SSR3: variants seen among roughly 807,000 people sequenced by gnomAD.
The protein encoded by SSR3 is signal sequence receptor subunit 3, also known as translocon-associated protein subunit gamma.
A neutral mutation model predicts 22.1 loss-of-function variants in SSR3; 10 were observed. That is an observed-to-expected ratio of 0.45 (90% CI 0.28 to 0.77). SSR3 has a LOEUF of 0.77. SSR3 is among the 30% of genes least tolerant of loss of function. The pLI, the probability that SSR3 is intolerant of heterozygous loss-of-function variation, is 0.13. For synonymous variants in SSR3, 104 were observed against 82.5 expected, an observed-to-expected ratio of 1.26 and a Z score of -1.42; for missense variants, 181 against 220.5, an observed-to-expected ratio of 0.82 and a Z score of 1.13.
At chr3:156,554,723 G>A in intron 1 of SSR3, 1 of 542,992 alleles carries the variant, frequency 1.8e-6, no homozygotes. Flanking sequence ...GGTGGAGCTC[G>A]GGAACGTGCG....
At position 156,542,638 on chromosome 3, in the gene SSR3, GAAAA is replaced by G. The variant is rs147355142; in HGVS notation, c.*561_*564del. ...CTGCCCTTCTTTAAGAAAAAAAAAA[GAAAA>G]AAAAAGAACTTTTCCACAAGTTTCT... On this transcript the variant is annotated 3_prime_UTR_variant, in exon 5 of 5. Transcript: ENST00000265044. The G allele has an allele frequency of 6.8e-6, 1 of 147,386 alleles. No individual in the cohort carries two copies. Among genetic ancestry groups the G allele is most frequent in the Non-Finnish European group, 1.5e-5 (1 of 67,290 alleles). The allele number at this position is 147,386 out of a possible 1,614,324, so 9.1% of individuals were successfully genotyped here.
chr3:156,545,317 A>G (rs1439362969), intron 3 of SSR3, among the ~76,000 whole-genome samples: 1 of 152,238 alleles, frequency 6.6e-6, no homozygotes, highest in Non-Finnish European at 1.5e-5. Flanking sequence ...CATCGCACAG[A>G]GTAGGATAAT....
rs530283526 is a variant in SSR3, at chr3:156,541,880, G to A, written c.*1323C>T. The A allele has an allele frequency of 1.3e-5, 2 of 152,284 alleles. No homozygotes were observed. The highest frequency in any genetic ancestry group is 4.1e-4 in the South Asian group (2 of 4,824). 9.4% of individuals were successfully genotyped at this position (152,284 alleles called of 1,614,324 possible). On this transcript the variant is annotated 3_prime_UTR_variant, in exon 5 of 5. Coordinates refer to ENST00000265044, the MANE Select transcript of SSR3 (RefSeq NM_007107.5). Reference sequence around the variant, plus strand: ...TGTTTTTCTTCCAAGTTCTTGCATGGAGCCCAACACATCCGATAGCATGGA... The same window carrying A: ...TGTTTTTCTTCCAAGTTCTTGCATGAAGCCCAACACATCCGATAGCATGGA...
chr3:156,550,953 C>T (rs1482261201), intron 2 of SSR3, among the ~76,000 whole-genome samples: 1 of 152,180 alleles, frequency 6.6e-6, no homozygotes, highest in Non-Finnish European at 1.5e-5. Flanking sequence ...ATGCCCACGG[C>T]CACACATTTA....
chr3:156,546,476 T>A (rs1719766497), intron 3 of SSR3, among the ~76,000 whole-genome samples: 1 of 152,198 alleles, frequency 6.6e-6, no homozygotes, highest in African/African-American at 2.4e-5. Flanking sequence ...GGCCCAATCC[T>A]TTAGATTTCC....
chr3:156,548,789 CAAT>C, intron 3 of SSR3, 113 bp downstream of exon 3: 1 of 1,351,340 alleles, frequency 7.4e-7, no homozygotes, highest in Non-Finnish European at 1.0e-6. Context: ...ACTACTACTA[CAAT>C]TCCAAAATTT....
At chr3:156,553,307 G>A (rs1381523998) in intron 2 of SSR3, among the ~76,000 whole-genome samples, 1 of 152,088 alleles carries the variant, frequency 6.6e-6, no homozygotes, top group Non-Finnish European at 1.5e-5. Flanking sequence ...AAAATAGTAC[G>A]TGAAGAGCCC....
In SSR3 at chr3:156,542,502, T is replaced by C. The variant is rs574112347; in HGVS notation, c.*701A>G. On this transcript the variant is annotated 3_prime_UTR_variant, in exon 5 of 5. Transcript: ENST00000265044. ...GTCAAACCAACATGGCAGGGTCAAG[T>C]TGACCTCCCTGGCCACTCAGGGCCA... The C allele has an allele frequency of 7.9e-5, 12 of 152,386 alleles. No homozygotes were observed. The highest frequency in any genetic ancestry group is 3.4e-3 in the Middle Eastern group (1 of 296). The allele number at this position is 152,386 out of a possible 1,614,324, so 9.4% of individuals were successfully genotyped here.
rs1719559027 is a variant in SSR3 at position 156,542,109 on chromosome 3, A to G, written c.*1094T>C. On this transcript the variant is annotated 3_prime_UTR_variant, in exon 5 of 5. Transcript: ENST00000265044. ...ATCCTTTTAGCTGATATTGCTAAAG[A>G]GCTTCCCAAACTTTTTCAAGTCATG... 2.0e-5 allele frequency: 3 copies of G among 152,206 alleles called. No homozygotes were observed. The highest frequency in any genetic ancestry group is 2.0e-4 in the Admixed American group (3 of 15,286). 9.4% of individuals were successfully genotyped at this position (152,206 alleles called of 1,614,324 possible).
In SSR3 at chr3:156,549,135, T is replaced by A. The variant is rs1351940777; in HGVS notation, c.261-132A>T. Reference sequence around the variant, plus strand: ...TATTTCACATTTCAAGAAAAGAAGCTGAGCAGAAAGTTCCAAGTTTATTAC... The same window carrying A: ...TATTTCACATTTCAAGAAAAGAAGCAGAGCAGAAAGTTCCAAGTTTATTAC... On this transcript the variant is annotated intron_variant, in intron 2 of 4. Coordinates refer to ENST00000265044, the MANE Select transcript of SSR3 (RefSeq NM_007107.5). The A allele has an allele frequency of 8.1e-6, 8 of 984,184 alleles. 1 individual carries two copies. The highest frequency in any genetic ancestry group is 1.1e-5 in the Non-Finnish European group (8 of 706,672). The allele number at this position is 984,184 out of a possible 1,614,324, so 61.0% of individuals were successfully genotyped here.
intron 4 of SSR3, chr3:156,543,929 C>G (rs1280029536): frequency 1.4e-5 from 3 of 220,428 alleles, no homozygotes. Flanking sequence ...TGGAATGAAC[C>G]TATTTAACTG....
intron 1 of SSR3, chr3:156,553,991 A>T (rs986919869): frequency 9.7e-6 from 4 of 412,772 alleles, no homozygotes; most frequent in African/African-American, 2.1e-5. Context: ...GAAAAACATC[A>T]CCTTCCTATT....
intron 1 of SSR3, 176 bp downstream of exon 1, chr3:156,554,778 CAAG>C: frequency 1.3e-6 from 1 of 788,312 alleles, no homozygotes. Flanking sequence ...AGGACAATCC[CAAG>C]CGACAACACT....
intron 2 of SSR3, among the ~76,000 whole-genome samples, chr3:156,550,451 A>T (rs1167152853): frequency 6.6e-6 from 1 of 152,222 alleles, no homozygotes; most frequent in Non-Finnish European, 1.5e-5. Context: ...CTCACCTACC[A>T]GGGGCATAAC....
At chr3:156,552,428 T>C (rs545688441) in intron 2 of SSR3, among the ~76,000 whole-genome samples, 8 of 152,192 alleles carry the variant, frequency 5.3e-5, no homozygotes, top group Admixed American at 1.3e-4. Flanking sequence ...CTCATATGGA[T>C]GCTATAAGGA....
At chr3:156,544,790 C>T (rs1719702406) in intron 3 of SSR3, among the ~76,000 whole-genome samples, 1 of 152,188 alleles carries the variant, frequency 6.6e-6, no homozygotes, top group African/African-American at 2.4e-5. Context: ...CCATGATTAG[C>T]AGCCTGTGGA....
At chr3:156,553,634 T>C in intron 2 of SSR3, 21 bp downstream of exon 2, 2 of 1,607,642 alleles carry the variant, frequency 1.2e-6, no homozygotes, top group Non-Finnish European at 1.7e-6. Flanking sequence ...GTACGTACTT[T>C]CACTTGAAAA....
chr3:156,555,094 G>C lies in SSR3; in HGVS notation c.-5C>G. On this transcript the variant is annotated 5_prime_UTR_variant, in exon 1 of 5. Coordinates refer to ENST00000265044, the MANE Select transcript of SSR3 (RefSeq NM_007107.5). ...GGAGCTGCCTTTAGGAGCCATGGCGGAGCTGCAGGCGAGAACAGGGAACGT... is the reference window on the plus strand; with the variant it reads ...GGAGCTGCCTTTAGGAGCCATGGCGCAGCTGCAGGCGAGAACAGGGAACGT... 1 of 1,613,044 alleles carries C rather than the reference G, an allele frequency of 6.2e-7. No homozygotes were observed. The highest frequency in any genetic ancestry group is 8.5e-7 in the Non-Finnish European group (1 of 1,179,828).
intron 1 of SSR3, 68 bp downstream of exon 1, chr3:156,554,889 C>A (rs1345444384): frequency 6.4e-7 from 1 of 1,556,166 alleles, no homozygotes; most frequent in Non-Finnish European, 8.7e-7. Flanking sequence ...CTCGCCGGGT[C>A]CTGCCACGTC....
Sources: allele counts gnomAD v4.1 joint callset (sites outside exome capture counted in the v4.1 genomes callset), GRCh38; gene constraint gnomAD v4.1.1; transcripts MANE v1.5; gene names NCBI Gene and HGNC (gene_info 2026-07-23, HGNC 2026-07-21).